The following PHIP variants were observed in gnomAD, a reference collection of about 807,000 sequenced individuals.
PHIP encodes PHIP subunit of CUL4-Ring ligase complex, also known as PH-interacting protein.
A neutral mutation model predicts 236.8 loss-of-function variants in PHIP; 54 were observed. That is an observed-to-expected ratio of 0.23 (90% CI 0.18 to 0.29). The LOEUF (loss-of-function observed/expected upper bound fraction) is 0.29. Ranked by LOEUF, PHIP falls within the 10% of genes least tolerant of loss-of-function variation. The pLI is 1.00. For synonymous variants in PHIP, 756 were observed against 718.9 expected (o/e 1.05, Z -0.83); for missense variants, 1,370 against 2,190.8 (o/e 0.63, Z 7.48).
At chr6:79,054,149 T>C (rs2127767775) in intron 6 of PHIP, among the ~76,000 whole-genome samples, 1 of 150,698 alleles carries the variant, frequency 6.6e-6, no homozygotes, top group East Asian at 1.9e-4. Context: ...CTTGCAAGTC[T>C]CTCACAGCTA....
chr6:79,052,944 T>C (rs1772871097), intron 6 of PHIP, among the ~76,000 whole-genome samples: 1 of 152,164 alleles, frequency 6.6e-6, no homozygotes, highest in African/African-American at 2.4e-5. Context: ...AGATCTGAGG[T>C]ACATGCATAC....
intron 9 of PHIP, among the ~76,000 whole-genome samples, chr6:79,022,604 A>T (rs1434687683): frequency 6.6e-6 from 1 of 152,190 alleles, no homozygotes; most frequent in Non-Finnish European, 1.5e-5. Context: ...AGCGCCTAAT[A>T]ATCACAAATA....
intron 10 of PHIP, among the ~76,000 whole-genome samples, chr6:79,018,663 A>C (rs1420685298): frequency 6.6e-6 from 1 of 151,986 alleles, no homozygotes; most frequent in Non-Finnish European, 1.5e-5. Context: ...AATAAGAACA[A>C]TATGTAGCGA....
chr6:78,942,774 C>T (rs1773571278), intron 39 of PHIP, among the ~76,000 whole-genome samples: 1 of 152,156 alleles, frequency 6.6e-6, no homozygotes, highest in South Asian at 2.1e-4. Flanking sequence ...AGAAGATAGG[C>T]TTTAAGGACT....
At chr6:79,058,527 C>T (rs895116334) in intron 6 of PHIP, among the ~76,000 whole-genome samples, 30 of 152,178 alleles carry the variant, frequency 2.0e-4, no homozygotes, top group African/African-American at 7.2e-4. Context: ...GGGAATAAAG[C>T]ATAGCATAAT....
At chr6:79,060,328 CT>C in intron 6 of PHIP, 149 bp downstream of exon 6, 2 of 537,494 alleles carry the variant, frequency 3.7e-6, no homozygotes, top group East Asian at 3.0e-5. Context: ...ATTAAAACTA[CT>C]ACTAAGAAAA....
intron 37 of PHIP, 173 bp from the exon 38 acceptor site, chr6:78,946,433 A>G: frequency 1.4e-6 from 2 of 1,404,514 alleles, no homozygotes; most frequent in Non-Finnish European, 1.8e-6. Flanking sequence ...TTAGTGAAGG[A>G]TCGCTGTAAA....
rs940003799 is a variant in PHIP at position 79,012,240 on chromosome 6, T to C, written c.1524+2842A>G. 2.0e-5 allele frequency among the ~76,000 whole-genome samples: 3 copies of C among 151,630 alleles called. No individual in the cohort carries two copies. In the East Asian group the frequency reaches 5.8e-4, roughly 29 times the overall value. ...ATTATTATTCAAAAAGCAGGAGAAA[T>C]ATTAAAGTATTCTTAAAATATACTT... is the stretch of plus-strand genomic sequence containing the variant. On this transcript the variant is annotated intron_variant, in intron 15 of 39. Coordinates refer to ENST00000275034, the MANE Select transcript of PHIP (RefSeq NM_017934.7).
Position 78,978,520 on chromosome 6 carries a change from T to C in PHIP, c.2889+72A>G, listed in dbSNP as rs1237335294. On this transcript the variant is annotated intron_variant, in intron 24 of 39. Coordinates refer to ENST00000275034, the MANE Select transcript of PHIP (RefSeq NM_017934.7). ...AAACTGCTTCTATTTTCCAGAAGTC[T>C]ATTTCAAGAGCTGTTAAAAAATGTT... 4.8e-6 allele frequency: 6 copies of C among 1,245,948 alleles called. No individual in the cohort carries two copies. The Admixed American group carries it at 1.2e-4, about 26-fold the overall frequency. 77.2% of individuals were successfully genotyped at this position (1,245,948 alleles called of 1,614,324 possible).
chr6:79,000,652 C>T (rs769232503), intron 17 of PHIP, among the ~76,000 whole-genome samples: 3 of 151,968 alleles, frequency 2.0e-5, no homozygotes, highest in South Asian at 2.1e-4. Context: ...AATTCCTCTC[C>T]GAGAGACTGA....
intron 6 of PHIP, among the ~76,000 whole-genome samples, chr6:79,044,016 T>C (rs1303156699): frequency 1.3e-5 from 2 of 151,994 alleles, no homozygotes; most frequent in Non-Finnish European, 2.9e-5. Flanking sequence ...TTATGAAGAA[T>C]CTCAGTATTG....
At chr6:79,024,621 G>A (rs1055820891) in intron 9 of PHIP, among the ~76,000 whole-genome samples, 1 of 152,038 alleles carries the variant, frequency 6.6e-6, no homozygotes, top group African/African-American at 2.4e-5. Flanking sequence ...TGGCTAACAC[G>A]GTGAAACCCT....
At chr6:79,045,172 C>T (rs1382747874) in intron 6 of PHIP, among the ~76,000 whole-genome samples, 2 of 152,114 alleles carry the variant, frequency 1.3e-5, no homozygotes, top group Non-Finnish European at 1.5e-5. Context: ...CAAACATTGA[C>T]AAACTTGTGT....
Position 78,934,728 on chromosome 6 carries a change from T to G in PHIP, c.*5965A>C, listed in dbSNP as rs1205666044. 2.0e-5 allele frequency among the ~76,000 whole-genome samples: 3 copies of G among 152,118 alleles called. No homozygotes were observed. The highest frequency in any genetic ancestry group is 7.2e-5 in the African/African-American group (3 of 41,416). ...AACAGAATTAGACCTCACAGATAAT[T>G]TAATCAACCTTTAAAACTTTACAGA... On this transcript the variant is annotated 3_prime_UTR_variant, in exon 40 of 40. Coordinates refer to ENST00000275034, the MANE Select transcript of PHIP (RefSeq NM_017934.7).
chr6:79,040,164 A>T (rs1449572526), intron 7 of PHIP, among the ~76,000 whole-genome samples: 1 of 152,094 alleles, frequency 6.6e-6, no homozygotes, highest in Non-Finnish European at 1.5e-5. Context: ...TAATCCCACA[A>T]AAATCCTATG....
intron 32 of PHIP, chr6:78,956,873 CT>C (rs1406190969): frequency 6.6e-6 from 1 of 152,024 alleles, no homozygotes; most frequent in African/African-American, 2.4e-5. Flanking sequence ...TTATATTATA[CT>C]TTCTTACAGA....
intron 21 of PHIP, among the ~76,000 whole-genome samples, chr6:78,986,333 G>T (rs1419033874): frequency 2.0e-5 from 3 of 152,042 alleles, no homozygotes; most frequent in African/African-American, 7.2e-5. Context: ...GTTTTTTGAT[G>T]GCAAAAATGT....
Position 79,078,243 on chromosome 6 carries a change from C to T in PHIP, c.-175G>A. Reference sequence around the variant, plus strand: ...AGGAGGAGGAGGAAACAACAACTCTCAGGCAGCGACTACGGCCGTGGCCGC... The same window carrying T: ...AGGAGGAGGAGGAAACAACAACTCTTAGGCAGCGACTACGGCCGTGGCCGC... On this transcript the variant is annotated 5_prime_UTR_variant, in exon 1 of 40. Coordinates refer to ENST00000275034, the MANE Select transcript of PHIP (RefSeq NM_017934.7). 3 of 597,840 alleles carry T rather than the reference C, an allele frequency of 5.0e-6. No individual in the cohort carries two copies. 37.0% of individuals were successfully genotyped at this position (597,840 alleles called of 1,614,324 possible). A position where few individuals can be genotyped will look rare whatever the true frequency, so the allele number is the denominator to read the frequency against.
chr6:78,973,822 C>T (rs1378830484), intron 24 of PHIP, among the ~76,000 whole-genome samples: 2 of 151,676 alleles, frequency 1.3e-5, no homozygotes, highest in African/African-American at 4.8e-5. Context: ...ACAAGAAGAG[C>T]TAACTATCCT....
Sources: allele counts gnomAD v4.1 joint callset (sites outside exome capture counted in the v4.1 genomes callset), GRCh38; gene constraint gnomAD v4.1.1; transcripts MANE v1.5; gene names NCBI Gene and HGNC (gene_info 2026-07-23, HGNC 2026-07-21).